The following DMD variants were observed in gnomAD, a reference collection of about 807,000 sequenced individuals.
The protein encoded by DMD is mutant dystrophin.
A neutral mutation model predicts 330.1 loss-of-function variants in DMD; 63 were observed. The observed-to-expected ratio is 0.19, with a 90% confidence interval of 0.16 to 0.24. The LOEUF (loss-of-function observed/expected upper bound fraction) is 0.24, where lower values mean the gene tolerates loss of function less well. Ranked by LOEUF, DMD falls within the 10% of genes least tolerant of loss-of-function variation. The pLI, the probability that DMD is intolerant of heterozygous loss-of-function variation, is 1.00. For missense variants in DMD, 3,344 were observed against 2,684.1 expected (o/e 1.25, Z -5.43); for synonymous variants, 1,223 against 959.8 (o/e 1.27, Z -5.07).
chrX:31,551,964 G>A (rs1165203767), intron 55 of DMD, among the ~76,000 whole-genome samples: 1 of 112,112 alleles, frequency 8.9e-6, no homozygotes, highest in Admixed American at 9.4e-5. Flanking sequence ...AAAATCATTG[G>A]TGCCTAACTT....
intron 18 of DMD, among the ~76,000 whole-genome samples, chrX:32,505,438 G>A (rs145793281): frequency 3.6e-5 from 4 of 111,723 alleles, no homozygotes; most frequent in Non-Finnish European, 7.5e-5. Flanking sequence ...TGTTACCAGG[G>A]AATTACAAAT....
intron 51 of DMD, among the ~76,000 whole-genome samples, chrX:31,735,804 G>A (rs2086830184): frequency 8.9e-6 from 1 of 111,957 alleles, no homozygotes; most frequent in South Asian, 3.7e-4. Flanking sequence ...GAACTTTGGG[G>A]CAAGTTTTCA....
chrX:31,673,330 G>A (rs1234899618), intron 53 of DMD, among the ~76,000 whole-genome samples: 1 of 112,298 alleles, frequency 8.9e-6, no homozygotes, highest in Admixed American at 9.4e-5. Flanking sequence ...AAGGCGATGT[G>A]GGGCCAGGCA....
chrX:31,373,028 AACAG>A (rs1245062876), intron 60 of DMD, among the ~76,000 whole-genome samples: 2 of 111,041 alleles, frequency 1.8e-5, no homozygotes, highest in African/African-American at 6.5e-5. Context: ...ATACACCAAT[AACAG>A]ACAGAGAGCC....
At chrX:32,173,187 C>G (rs2096894358) in intron 44 of DMD, among the ~76,000 whole-genome samples, 1 of 106,126 alleles carries the variant, frequency 9.4e-6, no homozygotes, top group Non-Finnish European at 1.9e-5. Context: ...GTTGACGTGA[C>G]AAAGAGGTCG....
chrX:32,323,372 C>CA (rs1184277266), intron 41 of DMD, among the ~76,000 whole-genome samples: 2 of 110,366 alleles, frequency 1.8e-5, no homozygotes, highest in African/African-American at 6.6e-5. Flanking sequence ...ATAAACGGTA[C>CA]AAAAAAACAG....
At chrX:32,072,136 A>T (rs2096304704) in intron 44 of DMD, among the ~76,000 whole-genome samples, 2 of 111,322 alleles carry the variant, frequency 1.8e-5, no homozygotes, top group South Asian at 3.7e-4. Flanking sequence ...AAGGTGGCAC[A>T]TTTCCTTCTG....
intron 60 of DMD, 149 bp from the exon 61 acceptor site, chrX:31,348,783 T>C (rs1275206122): frequency 1.9e-5 from 10 of 531,510 alleles, no homozygotes; most frequent in Middle Eastern, 4.9e-4. Flanking sequence ...AATATTCACT[T>C]ACCGTATATA....
chrX:32,825,087 C>T (rs1160724899), intron 4 of DMD, among the ~76,000 whole-genome samples: 1 of 111,793 alleles, frequency 8.9e-6, no homozygotes, highest in South Asian at 3.7e-4. Context: ...AAACCTTCTG[C>T]TTTCATGAAA....
intron 44 of DMD, among the ~76,000 whole-genome samples, chrX:32,078,785 G>A (rs888232725): frequency 8.9e-6 from 1 of 111,864 alleles, no homozygotes; most frequent in African/African-American, 3.3e-5. Context: ...GCAAAAAGAA[G>A]CCTTCCCAGT....
At chrX:32,286,330 A>T (rs2097441177) in intron 43 of DMD, among the ~76,000 whole-genome samples, 2 of 112,088 alleles carry the variant, frequency 1.8e-5, no homozygotes, top group African/African-American at 6.5e-5. Context: ...ATGAAACAAT[A>T]TCCAAGTTTC....
chrX:31,681,690 T>C lies in DMD; in HGVS notation c.7661-2104A>G, dbSNP rs1024679164. Among the ~76,000 whole-genome samples, 19 of 112,731 alleles carry C rather than the reference T, an allele frequency of 1.7e-4. 2 individuals carry two copies. The highest frequency in any genetic ancestry group is 1.0e-3 in the Admixed American group (11 of 10,730). ...AATGGCTACAGATGGACAAACAAAA[T>C]GTATATGGCACAGGAATATAAAACT... is the stretch of plus-strand genomic sequence containing the variant. On this transcript the variant is annotated intron_variant, in intron 52 of 78. Coordinates refer to ENST00000357033, the MANE Select transcript of DMD (RefSeq NM_004006.3).
At chrX:31,246,744 G>A (rs1222650744) in intron 63 of DMD, among the ~76,000 whole-genome samples, 2 of 111,335 alleles carry the variant, frequency 1.8e-5, no homozygotes, top group Admixed American at 1.9e-4. Flanking sequence ...TGGCCAACAT[G>A]GTGAAACCCC....
chrX:31,138,670 AGAGAGAGAGAGAGAGAG>A (rs2035615739), intron 76 of DMD, among the ~76,000 whole-genome samples: 1 of 35,981 alleles, frequency 2.8e-5, no homozygotes, highest in African/African-American at 8.8e-5. Context: ...AGAGAGAGAG[AGAGAGAGAGAGAGAGAG>A]AAGGGGGAAG....
At chrX:32,509,032 G>C (rs1425332375) in intron 18 of DMD, among the ~76,000 whole-genome samples, 1 of 109,200 alleles carries the variant, frequency 9.2e-6, no homozygotes, top group Admixed American at 9.8e-5. Context: ...TGATGGTCTT[G>C]ATCTCCTGAC....
intron 60 of DMD, among the ~76,000 whole-genome samples, chrX:31,390,635 G>A (rs1331991863): frequency 1.8e-5 from 2 of 111,179 alleles, no homozygotes; most frequent in Non-Finnish European, 3.8e-5. Flanking sequence ...TACAGATTTT[G>A]TCTCGAAAAT....
chrX:32,805,340 G>A (rs920771353), intron 7 of DMD, among the ~76,000 whole-genome samples: 6 of 111,505 alleles, frequency 5.4e-5, no homozygotes, highest in Middle Eastern at 4.6e-3. Context: ...TAGCTCAATC[G>A]ATCCAGCAGA....
At chrX:31,361,029 T>C (rs60080520) in intron 60 of DMD, among the ~76,000 whole-genome samples, 1,613 of 110,237 alleles carry the variant, frequency 0.015, 29 homozygotes, top group African/African-American at 0.051. Context: ...GAGGCTGAAG[T>C]GGGAGGATCA....
At chrX:32,944,766 G>A (rs1049272172) in intron 2 of DMD, among the ~76,000 whole-genome samples, 2 of 109,563 alleles carry the variant, frequency 1.8e-5, no homozygotes, top group Admixed American at 9.8e-5. Flanking sequence ...CATCATGCCC[G>A]GCTAATTTTT....
Sources: allele counts gnomAD v4.1 joint callset (sites outside exome capture counted in the v4.1 genomes callset), GRCh38; gene constraint gnomAD v4.1.1; transcripts MANE v1.5; gene names NCBI Gene and HGNC (gene_info 2026-07-23, HGNC 2026-07-21).